FBXO15: variants seen among roughly 807,000 people sequenced by gnomAD.
The protein encoded by FBXO15 is F-box protein 15, also known as F-box only protein 15.
Under a neutral mutation model 49.5 loss-of-function variants are expected in FBXO15, and 30 were observed. That is an observed-to-expected ratio of 0.61 (90% CI 0.45 to 0.82). FBXO15 has a LOEUF of 0.82. Ranked by LOEUF, FBXO15 falls within the 40% of genes least tolerant of loss-of-function variation. FBXO15 has a pLI of 0.00. For missense variants in FBXO15, 591 were observed against 631.5 expected, an observed-to-expected ratio of 0.94 and a Z score of 0.69; for synonymous variants, 250 against 232.7, an observed-to-expected ratio of 1.07 and a Z score of -0.68.
intron 1 of FBXO15, chr18:74,140,834 T>G (rs1979032174): frequency 6.6e-6 from 1 of 152,466 alleles, no homozygotes; most frequent in South Asian, 2.1e-4. Flanking sequence ...AGGATACAGT[T>G]AGTGTACTGA....
chr18:74,122,420 T>C (rs1057432578), intron 8 of FBXO15, among the ~76,000 whole-genome samples: 6 of 152,244 alleles, frequency 3.9e-5, no homozygotes, highest in African/African-American at 1.4e-4. Context: ...TCTGCCTTTA[T>C]AGAAGTTCAC....
intron 8 of FBXO15, among the ~76,000 whole-genome samples, chr18:74,104,374 G>A (rs1913655190): frequency 6.6e-6 from 1 of 152,002 alleles, no homozygotes; most frequent in Non-Finnish European, 1.5e-5. Flanking sequence ...AAGGACAGAA[G>A]GGTTACAAAA....
rs200249230 is a variant in FBXO15, at chr18:74,130,367, C to T, written c.575+49G>A. On this transcript the variant is annotated intron_variant, in intron 4 of 9. Transcript: ENST00000419743. ...AAACTGCACATACGTCCTACGTACA[C>T]GATACTTTGAGCTGATGCCATCATT... is the stretch of plus-strand genomic sequence containing the variant. The T allele has an allele frequency of 7.9e-4, 1,269 of 1,607,124 alleles. 12 individuals carry two copies. The South Asian group carries it at 8.8e-3, about 11-fold the overall frequency.
At chr18:74,084,680 A>G (rs1448019013) in intron 8 of FBXO15, among the ~76,000 whole-genome samples, 2 of 152,188 alleles carry the variant, frequency 1.3e-5, no homozygotes, top group Non-Finnish European at 2.9e-5. Flanking sequence ...TGCAAAATTC[A>G]GCAAAATACA....
intron 8 of FBXO15, among the ~76,000 whole-genome samples, chr18:74,096,027 C>T (rs1482679195): frequency 6.6e-6 from 1 of 152,142 alleles, no homozygotes; most frequent in Non-Finnish European, 1.5e-5. Flanking sequence ...CTACCCATAA[C>T]CAAGGGCGTC....
At chr18:74,108,015 C>A (rs1162261511) in intron 8 of FBXO15, among the ~76,000 whole-genome samples, 1 of 152,132 alleles carries the variant, frequency 6.6e-6, no homozygotes, top group African/African-American at 2.4e-5. Context: ...CACAGGCTCA[C>A]TCAGAGACTG....
intron 1 of FBXO15, among the ~76,000 whole-genome samples, chr18:74,145,695 T>C (rs1979369147): frequency 6.7e-6 from 1 of 149,710 alleles, no homozygotes; most frequent in East Asian, 2.0e-4. Context: ...CCTCCTGGGT[T>C]CACGCCATTC....
chr18:74,076,084 G>C (rs1309223785), intron 9 of FBXO15: 1 of 152,234 alleles, frequency 6.6e-6, no homozygotes, highest in African/African-American at 2.4e-5. Flanking sequence ...GGGACTGGTG[G>C]AACCATCATC....
chr18:74,100,497 C>T (rs1020306637), intron 8 of FBXO15, among the ~76,000 whole-genome samples: 1 of 151,788 alleles, frequency 6.6e-6, no homozygotes, highest in Non-Finnish European at 1.5e-5. Flanking sequence ...AAGGTCATAC[C>T]TCAAGGAACT....
intron 8 of FBXO15, among the ~76,000 whole-genome samples, chr18:74,105,243 T>C (rs1438626394): frequency 1.3e-5 from 2 of 152,146 alleles, no homozygotes; most frequent in South Asian, 2.1e-4. Context: ...ACCAGTAGAG[T>C]GACTACAGTC....
chr18:74,115,528 C>T (rs138918700), intron 8 of FBXO15, among the ~76,000 whole-genome samples: 17 of 152,302 alleles, frequency 1.1e-4, no homozygotes, highest in African/African-American at 4.1e-4. Flanking sequence ...ATTGCCAGAA[C>T]TCACTCTGAA....
At chr18:74,109,585 T>C (rs1029552931) in intron 8 of FBXO15, among the ~76,000 whole-genome samples, 2 of 152,164 alleles carry the variant, frequency 1.3e-5, no homozygotes, top group Non-Finnish European at 2.9e-5. Flanking sequence ...AACCCAAATG[T>C]TCATCAATCA....
At chr18:74,132,072 C>G (rs1026150419) in intron 3 of FBXO15, among the ~76,000 whole-genome samples, 1 of 152,204 alleles carries the variant, frequency 6.6e-6, no homozygotes, top group African/African-American at 2.4e-5. Context: ...TCATTTCTCA[C>G]TCTGCAAAAT....
At chr18:74,077,434 G>A (rs1012237802) in intron 9 of FBXO15, among the ~76,000 whole-genome samples, 1 of 152,140 alleles carries the variant, frequency 6.6e-6, no homozygotes, top group African/African-American at 2.4e-5. Flanking sequence ...CACATCAGAT[G>A]AGCTACACAG....
chr18:74,128,157 A>G (rs983884635), intron 5 of FBXO15, among the ~76,000 whole-genome samples: 3 of 152,196 alleles, frequency 2.0e-5, no homozygotes, highest in Non-Finnish European at 4.4e-5. Flanking sequence ...TTCATTTTTC[A>G]TCATAACATT....
chr18:74,115,166 C>T lies in FBXO15; in HGVS notation c.1138+8202G>A, dbSNP rs1017831801. ...TGTCCACTGGCCTGGGAGCTGAGCC[C>T]GCTGGAGACATGTCAGAACTCAAAG... On this transcript the variant is annotated intron_variant, in intron 8 of 9. Transcript: ENST00000419743. Among the ~76,000 whole-genome samples, 15 of 152,108 alleles carry T rather than the reference C, an allele frequency of 9.9e-5. 1 individual carries two copies. Among genetic ancestry groups the T allele is most frequent in the African/African-American group, 2.9e-4 (12 of 41,426 alleles).
chr18:74,110,152 T>A (rs1331028454), intron 8 of FBXO15, among the ~76,000 whole-genome samples: 6 of 144,688 alleles, frequency 4.1e-5, no homozygotes, highest in Non-Finnish European at 9.0e-5. Context: ...CTAATATATA[T>A]ACATATGTGT....
rs199672312 is a variant in FBXO15 at position 74,073,692 on chromosome 18, A to C, written c.1302T>G (p.His434Gln). ...SMMDVTLLDE[H>Q]GKPFWCFSSP... ...AACTGAAACACCAAAAGGGTTTCCCATGTTCATCCAAAAGAGTTACGTCCA... is the reference window on the plus strand; with the variant it reads ...AACTGAAACACCAAAAGGGTTTCCCCTGTTCATCCAAAAGAGTTACGTCCA... Residue 434 changes from histidine (H) to glutamine (Q), a missense_variant, in exon 10 of 10, where the codon CAT becomes CAG. His to Gln is a conservative substitution (Grantham distance 24). Coordinates refer to ENST00000419743, the MANE Select transcript of FBXO15 (RefSeq NM_001142958.2). 1.9e-5 allele frequency: 30 copies of C among 1,614,084 alleles called. No individual in the cohort carries two copies. In the African/African-American group the frequency reaches 3.7e-4, roughly 20 times the overall value.
chr18:74,078,888 TC>T (rs1912371236), intron 9 of FBXO15, among the ~76,000 whole-genome samples: 2 of 152,120 alleles, frequency 1.3e-5, no homozygotes, highest in African/African-American at 4.8e-5. Context: ...CCTGCGATTT[TC>T]GGTTGTATCA....
Sources: gnomAD v4.1 joint callset for allele counts (sites outside exome capture counted in the v4.1 genomes callset) on GRCh38, gnomAD v4.1.1 for gene constraint, MANE v1.5 for transcripts, NCBI Gene and HGNC (gene_info 2026-07-23, HGNC 2026-07-21) for gene names.